Variants in ANKS1B observed in about 807,000 individuals in gnomAD.
ANKS1B encodes ankyrin repeat and sterile alpha motif domain-containing protein 1B.
In ANKS1B, 36 loss-of-function variants were observed where a neutral mutation model predicts 148.3. The observed-to-expected ratio is 0.24, with a 90% CI of 0.19 to 0.32. The LOEUF is 0.32. ANKS1B is among the 10% of genes least tolerant of loss of function. The pLI, the probability that ANKS1B is intolerant of heterozygous loss-of-function variation, is 1.00. For missense variants in ANKS1B, 1,157 were observed against 1,542.6 expected, an observed-to-expected ratio of 0.75 and a Z score of 4.19; for synonymous variants, 542 against 560.8, an observed-to-expected ratio of 0.97 and a Z score of 0.47.
intron 1 of ANKS1B, among the ~76,000 whole-genome samples, chr12:99,934,904 T>C (rs982288582): frequency 2.0e-5 from 3 of 152,118 alleles, no homozygotes; most frequent in African/African-American, 4.8e-5. Context: ...GAAGGATATG[T>C]GAAAACCAAA....
intron 15 of ANKS1B, among the ~76,000 whole-genome samples, chr12:99,122,673 T>G (rs1032720379): frequency 4.6e-5 from 7 of 152,218 alleles, no homozygotes; most frequent in Admixed American, 2.6e-4. Context: ...AAACGCTTGC[T>G]GGCAGCCAAC....
At chr12:99,525,105 G>A (rs962269198) in intron 9 of ANKS1B, among the ~76,000 whole-genome samples, 1 of 140,242 alleles carries the variant, frequency 7.1e-6, no homozygotes. Context: ...ATACATTTGT[G>A]TTGTTTTTTT....
chr12:98,916,551 C>G (rs2099794683), intron 17 of ANKS1B, among the ~76,000 whole-genome samples: 1 of 152,222 alleles, frequency 6.6e-6, no homozygotes, highest in South Asian at 2.1e-4. Context: ...ACAATGTTTT[C>G]TTTTCAGAAT....
At chr12:99,590,777 G>A (rs188357358) in intron 9 of ANKS1B, among the ~76,000 whole-genome samples, 2 of 152,128 alleles carry the variant, frequency 1.3e-5, no homozygotes, top group Non-Finnish European at 1.5e-5. Flanking sequence ...TCCGAATAAG[G>A]GTTTGTAGGC....
chr12:99,074,234 T>G (rs2047124966), intron 16 of ANKS1B, among the ~76,000 whole-genome samples: 1 of 152,048 alleles, frequency 6.6e-6, no homozygotes. Flanking sequence ...CCTAATTCCT[T>G]CCCTATTTCT....
At chr12:99,821,447 A>G (rs1158006217) in intron 2 of ANKS1B, among the ~76,000 whole-genome samples, 1 of 145,992 alleles carries the variant, frequency 6.8e-6, no homozygotes, top group Non-Finnish European at 1.5e-5. Context: ...ATTTGCTTAA[A>G]TTATCTTTAT....
intron 14 of ANKS1B, among the ~76,000 whole-genome samples, chr12:99,229,883 C>T (rs2086558238): frequency 6.6e-6 from 1 of 151,896 alleles, no homozygotes; most frequent in Non-Finnish European, 1.5e-5. Context: ...TGTGAATGTG[C>T]AAGGGGTATA....
chr12:99,433,203 G>A (rs2095407879), intron 11 of ANKS1B, among the ~76,000 whole-genome samples: 2 of 151,986 alleles, frequency 1.3e-5, no homozygotes, highest in African/African-American at 2.4e-5. Flanking sequence ...ATCCCTTGAT[G>A]CCCTTAAAAA....
intron 17 of ANKS1B, among the ~76,000 whole-genome samples, chr12:99,038,037 A>T (rs576894544): frequency 6.6e-5 from 10 of 152,334 alleles, no homozygotes; most frequent in Non-Finnish European, 1.0e-4. Context: ...AAGCTTCTGC[A>T]TGAAAGGATA....
chr12:99,788,802 A>G (rs1395944966), intron 4 of ANKS1B, among the ~76,000 whole-genome samples: 2 of 152,140 alleles, frequency 1.3e-5, no homozygotes, highest in Non-Finnish European at 2.9e-5. Flanking sequence ...CTTGGGCTTT[A>G]AGTAAACATT....
At chr12:99,627,682 T>C (rs956100389) in intron 9 of ANKS1B, among the ~76,000 whole-genome samples, 1 of 152,140 alleles carries the variant, frequency 6.6e-6, no homozygotes, top group African/African-American at 2.4e-5. Flanking sequence ...CAGCAGAGTG[T>C]GCTGGAGATC....
At chr12:99,196,606 GT>G (rs1195275898) in intron 14 of ANKS1B, among the ~76,000 whole-genome samples, 3 of 150,418 alleles carry the variant, frequency 2.0e-5, no homozygotes, top group African/African-American at 4.9e-5. Context: ...GTTTGTTTTT[GT>G]TTTTTTTCTT....
At chr12:99,266,615 C>T (rs1718851521) in intron 12 of ANKS1B, among the ~76,000 whole-genome samples, 1 of 152,104 alleles carries the variant, frequency 6.6e-6, no homozygotes, top group South Asian at 2.1e-4. Context: ...AAGAGTATAA[C>T]ATTTCGGAGG....
At chr12:99,240,298 G>C (rs569418925) in intron 14 of ANKS1B, among the ~76,000 whole-genome samples, 2 of 152,034 alleles carry the variant, frequency 1.3e-5, no homozygotes, top group African/African-American at 2.4e-5. Flanking sequence ...AAACCAACAA[G>C]ATCAAAAGAG....
intron 10 of ANKS1B, among the ~76,000 whole-genome samples, chr12:99,491,841 C>T (rs534769404): frequency 1.3e-5 from 2 of 152,240 alleles, no homozygotes; most frequent in Admixed American, 6.5e-5. Flanking sequence ...AGGCAGAAAT[C>T]AAGATGTTCT....
At chr12:98,746,055 T>C (rs1271473530) in intron 26 of ANKS1B, among the ~76,000 whole-genome samples, 1 of 152,156 alleles carries the variant, frequency 6.6e-6, no homozygotes, top group African/African-American at 2.4e-5. Flanking sequence ...TGACGGTGAA[T>C]AAGGCACAGC....
chr12:99,961,231 AAAAAAC>A (rs2095408532), intron 1 of ANKS1B, among the ~76,000 whole-genome samples: 1 of 90,538 alleles, frequency 1.1e-5, no homozygotes, highest in Non-Finnish European at 2.4e-5. Context: ...TCCCTCTCAA[AAAAAAC>A]AAAACAAAAC....
chr12:99,585,714 T>C (rs1245724383), intron 9 of ANKS1B, among the ~76,000 whole-genome samples: 1 of 152,194 alleles, frequency 6.6e-6, no homozygotes, highest in Non-Finnish European at 1.5e-5. Flanking sequence ...ATTCTTGTCT[T>C]GTGTACACTG....
At chr12:99,264,302 CT>C (rs1051407921) in intron 12 of ANKS1B, among the ~76,000 whole-genome samples, 1 of 152,042 alleles carries the variant, frequency 6.6e-6, no homozygotes, top group Non-Finnish European at 1.5e-5. Context: ...CATATTGGAT[CT>C]CATGGATCTT....
Sources: allele counts gnomAD v4.1 joint callset (sites outside exome capture counted in the v4.1 genomes callset), GRCh38; gene constraint gnomAD v4.1.1; transcripts MANE v1.5; gene names NCBI Gene and HGNC (gene_info 2026-07-23, HGNC 2026-07-21).